GTF2E1: variants seen among roughly 807,000 people sequenced by gnomAD.
GTF2E1 encodes the protein general transcription factor IIE subunit 1, also known as TFIIE alpha subunit.
A neutral mutation model predicts 34.9 loss-of-function variants in GTF2E1; 14 were observed. The ratio of observed to expected loss-of-function variants is 0.40; its 90% confidence interval spans 0.27 to 0.63. The LOEUF is 0.63. Among genes scored for constraint, GTF2E1 ranks in the 20% least tolerant of loss-of-function variants. The pLI is 0.39. For missense variants in GTF2E1, 469 were observed against 557.7 expected (o/e 0.84, Z 1.60); for synonymous variants, 188 against 192.9 (o/e 0.97, Z 0.21).
chr3:120,743,596 G>A (rs551946973), intron 1 of GTF2E1, among the ~76,000 whole-genome samples: 1 of 152,302 alleles, frequency 6.6e-6, no homozygotes, highest in African/African-American at 2.4e-5. Flanking sequence ...GGGGGAAAGA[G>A]CCATGGAACA....
Position 120,742,755 on chromosome 3 carries a change from T to C in GTF2E1, c.-70T>C. The C allele has an allele frequency of 3.6e-6, 2 of 553,168 alleles. No individual in the cohort carries two copies. Among genetic ancestry groups the C allele is most frequent in the Non-Finnish European group, 6.5e-6 (2 of 307,294 alleles). The allele number at this position is 553,168 out of a possible 1,614,324, so 34.3% of individuals were successfully genotyped here. A position where few individuals can be genotyped will look rare whatever the true frequency, so the allele number is the denominator to read the frequency against. On this transcript the variant is annotated 5_prime_UTR_variant, in exon 1 of 5. Transcript: ENST00000283875. Reference sequence around the variant, plus strand: ...TCATTTAAGCCGGTAGTTGAAGCGCTGGGGGCAGCTGTAGTGGGAGTGTTC... The same window carrying C: ...TCATTTAAGCCGGTAGTTGAAGCGCCGGGGGCAGCTGTAGTGGGAGTGTTC...
intron 2 of GTF2E1, among the ~76,000 whole-genome samples, chr3:120,759,393 G>C (rs1478527299): frequency 6.6e-6 from 1 of 152,122 alleles, no homozygotes; most frequent in Non-Finnish European, 1.5e-5. Context: ...TAGGTTGCCT[G>C]TTCACTCTGA....
At chr3:120,778,538 TTC>T (rs1178561941) in intron 4 of GTF2E1, among the ~76,000 whole-genome samples, 3 of 152,188 alleles carry the variant, frequency 2.0e-5, no homozygotes, top group African/African-American at 4.8e-5. Context: ...CCTTAAACAG[TTC>T]TCTTTTCCAC....
intron 2 of GTF2E1, among the ~76,000 whole-genome samples, chr3:120,757,147 G>T (rs1050034306): frequency 1.2e-4 from 18 of 152,156 alleles, no homozygotes; most frequent in Admixed American, 1.0e-3. Flanking sequence ...CTAATTTAGA[G>T]AATTTATTGA....
chr3:120,765,906 A>G (rs931095529), intron 2 of GTF2E1, among the ~76,000 whole-genome samples: 6 of 152,068 alleles, frequency 3.9e-5, no homozygotes, highest in African/African-American at 1.4e-4. Flanking sequence ...ACATTCTTAG[A>G]TCTAGCTTGC....
At chr3:120,773,902 T>C (rs1709376604) in intron 3 of GTF2E1, among the ~76,000 whole-genome samples, 1 of 152,186 alleles carries the variant, frequency 6.6e-6, no homozygotes, top group Non-Finnish European at 1.5e-5. Context: ...AAAAGACTTT[T>C]TAAAAGTACT....
chr3:120,758,134 C>G (rs1709225849), intron 2 of GTF2E1, among the ~76,000 whole-genome samples: 1 of 152,090 alleles, frequency 6.6e-6, no homozygotes, highest in African/African-American at 2.4e-5. Context: ...CCAGCCTGGG[C>G]AACAGAGCGA....
intron 3 of GTF2E1, among the ~76,000 whole-genome samples, chr3:120,773,275 G>A (rs1224552209): frequency 1.3e-5 from 2 of 152,074 alleles, no homozygotes; most frequent in Non-Finnish European, 2.9e-5. Flanking sequence ...TGTACTATAG[G>A]AGTATGAAGT....
chr3:120,773,159 A>G (rs1709366829), intron 3 of GTF2E1, among the ~76,000 whole-genome samples: 1 of 151,400 alleles, frequency 6.6e-6, no homozygotes, highest in Admixed American at 6.6e-5. Context: ...GAAAAAAACC[A>G]TTAGGTTAGA....
At chr3:120,779,457 C>T (rs1709428871) in intron 4 of GTF2E1, among the ~76,000 whole-genome samples, 1 of 152,202 alleles carries the variant, frequency 6.6e-6, no homozygotes, top group South Asian at 2.1e-4. Context: ...CTCATTTTGA[C>T]AGTCATGTTA....
chr3:120,776,509 A>G lies in GTF2E1; in HGVS notation c.737A>G (p.Tyr246Cys), dbSNP rs775386160. The change falls in exon 4 of 5, where the codon TAT (tyrosine) becomes TGT (cysteine). Residue 246 changes from tyrosine to cysteine, a missense_variant. Physicochemically the swap from Tyr to Cys is radical, Grantham distance 194. Transcript: ENST00000283875. ...GCATGGGCCACCAAAGGTCCTTCCT[A>G]TGAAGACTTATACACTCAGAATGTT... ...REAWATKGPS[Y>C]EDLYTQNVVI... 1.4e-5 allele frequency: 22 copies of G among 1,613,910 alleles called. No homozygotes were observed. The highest frequency in any genetic ancestry group is 4.5e-5 in the East Asian group (2 of 44,892).
chr3:120,782,554 G>T lies in GTF2E1; in HGVS notation c.*1084G>T, dbSNP rs1256339100. ...GTAACAGTGCCTTAGAACTGTGTCA[G>T]TTAGTCTGATTTGGAAATCCTTTAT... On this transcript the variant is annotated 3_prime_UTR_variant, in exon 5 of 5. Transcript: ENST00000283875. 3.9e-5 allele frequency: 6 copies of T among 152,252 alleles called. No individual in the cohort carries two copies. The highest frequency in any genetic ancestry group is 2.9e-5 in the Non-Finnish European group (2 of 68,046). The allele number at this position is 152,252 out of a possible 1,614,324, so 9.4% of individuals were successfully genotyped here.
At chr3:120,768,413 T>C (rs146852023) in intron 2 of GTF2E1, among the ~76,000 whole-genome samples, 88 of 152,306 alleles carry the variant, frequency 5.8e-4, no homozygotes, top group Non-Finnish European at 1.0e-3. Context: ...TGAAAACAGA[T>C]AATGAGAGGG....
chr3:120,763,917 GTCT>G (rs1709285925), intron 2 of GTF2E1, among the ~76,000 whole-genome samples: 1 of 152,120 alleles, frequency 6.6e-6, no homozygotes, highest in Non-Finnish European at 1.5e-5. Flanking sequence ...AATTTATAAA[GTCT>G]TCTATTTGCT....
At position 120,781,356 on chromosome 3, in the gene GTF2E1, G is replaced by A. The variant is rs780957156; in HGVS notation, c.1206G>A (p.Pro402=). 2.2e-5 allele frequency: 36 copies of A among 1,613,962 alleles called. No homozygotes were observed. The highest frequency in any genetic ancestry group is 1.5e-4 in the South Asian group (14 of 91,086). ...CCATTGTCATGGTGGCTGGCCGTCCGTTCTCCTACAGTGAAGTGAGCCAAC... is the reference window on the plus strand; with the variant it reads ...CCATTGTCATGGTGGCTGGCCGTCCATTCTCCTACAGTGAAGTGAGCCAAC... ...DDPIVMVAGR[P]FSYSEVSQRP... The change falls in exon 5 of 5, where the codon CCG becomes CCA. Residue 402 remains proline (P), a synonymous_variant. Transcript: ENST00000283875.
chr3:120,774,188 GGGAGAAACATTTT>G (rs1269187254), intron 3 of GTF2E1, among the ~76,000 whole-genome samples: 17 of 152,152 alleles, frequency 1.1e-4, no homozygotes, highest in Non-Finnish European at 2.4e-4. Context: ...AGCTAACTCA[GGGAGAAACATTTT>G]GGGGTGGCAG....
At position 120,770,777 on chromosome 3, in the gene GTF2E1, A is replaced by G; in HGVS notation, c.498A>G (p.Ser166=). 6.2e-7 allele frequency: 1 copy of G among 1,613,724 alleles called. No homozygotes were observed. The highest frequency in any genetic ancestry group is 1.7e-4 in the Middle Eastern group (1 of 6,060). ...FCHTEVEEDE[S]AMPKKDARTL... The stretch of plus-strand genomic sequence containing the variant: ...ATACAGAGGTAGAAGAGGATGAATC[A>G]GCAATGCCCAAAAAAGATGCACGCA... The change falls in exon 3 of 5, where the codon TCA becomes TCG. Residue 166 remains serine (S), a synonymous_variant. Transcript: ENST00000283875.
chr3:120,755,164 C>T (rs964638835), intron 2 of GTF2E1, among the ~76,000 whole-genome samples: 4 of 152,148 alleles, frequency 2.6e-5, no homozygotes, highest in Admixed American at 2.6e-4. Context: ...TAGATCTCTT[C>T]TAGTGATGAG....
chr3:120,749,501 A>G lies in GTF2E1; in HGVS notation c.-30-1022A>G, dbSNP rs533599006. On this transcript the variant is annotated intron_variant, in intron 1 of 4. Coordinates refer to ENST00000283875, the MANE Select transcript of GTF2E1 (RefSeq NM_005513.3). ...TTTGTCAAAGGCCTTTTCTGCATCT[A>G]TTGAGATAATCATGTGGTTTTTGTC... Among the ~76,000 whole-genome samples, 62 of 152,216 alleles carry G rather than the reference A, an allele frequency of 4.1e-4. 1 individual carries two copies. Among genetic ancestry groups the G allele is most frequent in the African/African-American group, 1.5e-3 (61 of 41,534 alleles).
Sources: gnomAD v4.1 joint callset for allele counts (sites outside exome capture counted in the v4.1 genomes callset) on GRCh38, gnomAD v4.1.1 for gene constraint, MANE v1.5 for transcripts, NCBI Gene and HGNC (gene_info 2026-07-23, HGNC 2026-07-21) for gene names.